Variants in STPG2 observed in about 807,000 individuals in gnomAD.
STPG2 encodes the protein sperm tail PG-rich repeat containing 2.
Under a neutral mutation model 54.2 loss-of-function variants are expected in STPG2, and 56 were observed. That is an observed-to-expected ratio of 1.03 (90% CI 0.83 to 1.29). STPG2 has a LOEUF of 1.29. Among genes scored for constraint, STPG2 ranks in the 50% most tolerant of loss-of-function variants. The probability of loss-of-function intolerance (pLI) is 0.00; values close to 1 mark genes in which losing one functional copy is unlikely to be tolerated. For synonymous variants in STPG2, 200 were observed against 181.8 expected, an observed-to-expected ratio of 1.10 and a Z score of -0.81; for missense variants, 596 against 544.9, an observed-to-expected ratio of 1.09 and a Z score of -0.93.
chr4:97,973,179 T>A (rs956335623), intron 6 of STPG2, among the ~76,000 whole-genome samples: 1 of 152,200 alleles, frequency 6.6e-6, no homozygotes, highest in Non-Finnish European at 1.5e-5. Context: ...CTGACAGTGA[T>A]ATGCACAATA....
At chr4:97,471,645 C>A (rs141375451) in intron 4 of STPG2, among the ~76,000 whole-genome samples, 300 of 152,234 alleles carry the variant, frequency 2.0e-3, no homozygotes, top group African/African-American at 7.1e-3. Context: ...CAGCACCCAA[C>A]TTTCTCCCAG....
chr4:97,880,913 A>G (rs1043386999), intron 8 of STPG2, among the ~76,000 whole-genome samples: 3 of 152,098 alleles, frequency 2.0e-5, no homozygotes, highest in African/African-American at 4.8e-5. Flanking sequence ...TGAGAGCTTC[A>G]AATATTCTTT....
intron 8 of STPG2, among the ~76,000 whole-genome samples, chr4:97,870,078 TC>T (rs1232813305): frequency 6.6e-6 from 1 of 151,608 alleles, no homozygotes; most frequent in Non-Finnish European, 1.5e-5. Flanking sequence ...ATCTGATGTG[TC>T]CTATTCAAAT....
chr4:97,662,103 A>G (rs573140796), intron 10 of STPG2, among the ~76,000 whole-genome samples: 2 of 152,286 alleles, frequency 1.3e-5, no homozygotes, highest in Non-Finnish European at 2.9e-5. Context: ...CAGACAACCT[A>G]CAGAATGCAA....
chr4:97,958,486 C>T (rs1470041399), intron 7 of STPG2, among the ~76,000 whole-genome samples: 1 of 152,092 alleles, frequency 6.6e-6, no homozygotes, highest in East Asian at 1.9e-4. Context: ...GTCTCTGCTC[C>T]ATTCAGGAGA....
intron 3 of STPG2, among the ~76,000 whole-genome samples, chr4:98,126,541 C>T (rs1739833607): frequency 6.6e-6 from 1 of 152,218 alleles, no homozygotes; most frequent in African/African-American, 2.4e-5. Flanking sequence ...CATCATCACC[C>T]CACTCTGCTT....
Position 97,917,974 on chromosome 4 carries a change from T to G in STPG2, c.1044+25923A>C, listed in dbSNP as rs561170007. Among the ~76,000 whole-genome samples the G allele has an allele frequency of 3.3e-5, 5 of 152,302 alleles. No individual in the cohort carries two copies. The East Asian group carries it at 9.6e-4, about 29-fold the overall frequency. On this transcript the variant is annotated intron_variant, in intron 8 of 10. Coordinates refer to ENST00000295268, the MANE Select transcript of STPG2 (RefSeq NM_174952.3). Reference sequence around the variant, plus strand: ...ATAAAAGTATGTACTGAGAACCTACTGTGTACCTAGCATGATACCAAAACT... The same window carrying G: ...ATAAAAGTATGTACTGAGAACCTACGGTGTACCTAGCATGATACCAAAACT...
intron 9 of STPG2, among the ~76,000 whole-genome samples, chr4:97,740,033 T>A (rs1439175344): frequency 1.3e-5 from 2 of 152,060 alleles, no homozygotes; most frequent in Non-Finnish European, 2.9e-5. Context: ...GTGGGCTTCA[T>A]CCCTGGGATG....
intron 10 of STPG2, among the ~76,000 whole-genome samples, chr4:97,568,909 T>G (rs1157036891): frequency 2.1e-5 from 3 of 143,688 alleles, no homozygotes; most frequent in African/African-American, 5.7e-5. Flanking sequence ...TGTTTTTTTT[T>G]TTGTTTGTTT....
chr4:97,730,655 C>T (rs1224536026), intron 9 of STPG2, among the ~76,000 whole-genome samples: 3 of 152,132 alleles, frequency 2.0e-5, no homozygotes, highest in African/African-American at 4.8e-5. Flanking sequence ...TCAGAAATGC[C>T]AATGAGTCAT....
intron 5 of STPG2, among the ~76,000 whole-genome samples, chr4:97,997,398 C>A (rs976946770): frequency 6.6e-6 from 1 of 152,060 alleles, no homozygotes; most frequent in African/African-American, 2.4e-5. Flanking sequence ...CTTTACATGG[C>A]AAAAGAAAGG....
chr4:97,931,630 G>A (rs1446927603), intron 8 of STPG2, among the ~76,000 whole-genome samples: 1 of 150,750 alleles, frequency 6.6e-6, no homozygotes, highest in Non-Finnish European at 1.5e-5. Context: ...TAAAGATGTT[G>A]GCTTGAAGTT....
chr4:97,931,190 G>A (rs752269451), intron 8 of STPG2, among the ~76,000 whole-genome samples: 6 of 152,030 alleles, frequency 3.9e-5, no homozygotes, highest in African/African-American at 4.8e-5. Context: ...TCTCCTGCCC[G>A]ATGGCTCTGG....
intron 10 of STPG2, among the ~76,000 whole-genome samples, chr4:97,594,680 C>T (rs1333463445): frequency 6.6e-6 from 1 of 151,996 alleles, no homozygotes; most frequent in Non-Finnish European, 1.5e-5. Context: ...AATGACCATC[C>T]CCAACACACA....
chr4:97,793,143 C>CA (rs1390734483), intron 9 of STPG2, among the ~76,000 whole-genome samples: 4 of 150,546 alleles, frequency 2.7e-5, no homozygotes, highest in Non-Finnish European at 4.4e-5. Flanking sequence ...GACACCATCT[C>CA]AAAAAAAAAG....
At chr4:97,550,705 G>A (rs971938177) in intron 4 of STPG2, among the ~76,000 whole-genome samples, 1 of 152,112 alleles carries the variant, frequency 6.6e-6, no homozygotes, top group Non-Finnish European at 1.5e-5. Flanking sequence ...AAGATGGTGT[G>A]TCCAGAGTTT....
chr4:97,941,095 T>G (rs980374652), intron 8 of STPG2, among the ~76,000 whole-genome samples: 3 of 152,082 alleles, frequency 2.0e-5, no homozygotes, highest in Admixed American at 2.0e-4. Context: ...CAAAATCATT[T>G]CCCCTGAGAA....
intron 10 of STPG2, among the ~76,000 whole-genome samples, chr4:97,677,763 G>A (rs983163476): frequency 6.6e-6 from 1 of 152,166 alleles, no homozygotes; most frequent in African/African-American, 2.4e-5. Flanking sequence ...TAAATGGTGA[G>A]CTGGCTGAAG....
intron 5 of STPG2, among the ~76,000 whole-genome samples, chr4:98,020,937 C>T (rs1736163268): frequency 6.6e-6 from 1 of 151,988 alleles, no homozygotes. Context: ...TGCTAGCAGT[C>T]TATCAGTTTT....
Sources: gnomAD v4.1 joint callset for allele counts (sites outside exome capture counted in the v4.1 genomes callset) on GRCh38, gnomAD v4.1.1 for gene constraint, MANE v1.5 for transcripts, NCBI Gene and HGNC (gene_info 2026-07-23, HGNC 2026-07-21) for gene names.